The following PACC1 variants were observed in gnomAD, a reference collection of about 807,000 sequenced individuals.
The protein encoded by PACC1 is proton-activated chloride channel.
Under a neutral mutation model 39.7 loss-of-function variants are expected in PACC1, and 34 were observed. The observed-to-expected ratio is 0.86, with a 90% CI of 0.65 to 1.14. The LOEUF is 1.14. Ranked by LOEUF, PACC1 falls within the 50% of genes most tolerant of loss-of-function variation. The pLI is 0.00. For synonymous variants in PACC1, 127 were observed against 160.6 expected, an observed-to-expected ratio of 0.79 and a Z score of 1.58; for missense variants, 379 against 436.4, an observed-to-expected ratio of 0.87 and a Z score of 1.17.
At chr1:212,380,736 G>C (rs1660847108) in intron 4 of PACC1, among the ~76,000 whole-genome samples, 1 of 152,134 alleles carries the variant, frequency 6.6e-6, no homozygotes, top group Non-Finnish European at 1.5e-5. Flanking sequence ...TCTCTGTCCA[G>C]TACTGTGCCA....
chr1:212,414,852 G>T lies in PACC1; in HGVS notation c.-95C>A. On this transcript the variant is annotated 5_prime_UTR_variant, in exon 1 of 8. Coordinates refer to ENST00000261455, the MANE Select transcript of PACC1 (RefSeq NM_018252.3). The stretch of plus-strand genomic sequence containing the variant: ...CGCTGCACCTGGACCTACCGGCTCC[G>T]CGAGGCGAAACCGGTCCGGAGGGGC... The T allele has an allele frequency of 6.5e-7, 1 of 1,545,960 alleles. No homozygotes were observed. The highest frequency in any genetic ancestry group is 8.9e-7 in the Non-Finnish European group (1 of 1,128,736).
In PACC1 at chr1:212,410,416, C is replaced by A. The variant is rs748266638; in HGVS notation, c.133+9G>T. 1.9e-6 allele frequency: 3 copies of A among 1,613,380 alleles called. No individual in the cohort carries two copies. Among genetic ancestry groups the A allele is most frequent in the Admixed American group, 3.3e-5 (2 of 60,024 alleles). On this transcript the variant is annotated intron_variant, in intron 2 of 7. Coordinates refer to ENST00000261455, the MANE Select transcript of PACC1 (RefSeq NM_018252.3). ...AGCAACAGCACAGCAAAGCACCAAA[C>A]GCACTCACCTGGTAAGATACCCGGA...
chr1:212,383,394 G>A (rs1347686921), intron 4 of PACC1, among the ~76,000 whole-genome samples: 2 of 152,188 alleles, frequency 1.3e-5, no homozygotes, highest in Admixed American at 1.3e-4. Flanking sequence ...TGGGACGGAA[G>A]CAGCCACGAG....
intron 2 of PACC1, among the ~76,000 whole-genome samples, chr1:212,398,178 A>AT (rs745799496): frequency 2.2e-4 from 33 of 152,244 alleles, no homozygotes; most frequent in Non-Finnish European, 4.1e-4. Context: ...AATAGCAAAA[A>AT]TAAAGATCAT....
intron 2 of PACC1, among the ~76,000 whole-genome samples, chr1:212,407,745 T>C (rs1009375025): frequency 6.6e-6 from 1 of 152,190 alleles, no homozygotes; most frequent in Non-Finnish European, 1.5e-5. Context: ...CCTCCCAAAG[T>C]GTTGGGATTA....
chr1:212,414,034 G>A, intron 1 of PACC1: 1 of 1,535,844 alleles, frequency 6.5e-7, no homozygotes. Context: ...TACAGCTGGA[G>A]AAGTGAGGAG....
intron 2 of PACC1, among the ~76,000 whole-genome samples, chr1:212,391,088 G>A (rs146413811): frequency 0.022 from 3,405 of 152,308 alleles, 129 homozygotes; most frequent in African/African-American, 0.075. Flanking sequence ...GCTTTGAAGA[G>A]AGTAGTGGTT....
At position 212,364,703 on chromosome 1, in the gene PACC1, G is replaced by A. The variant is rs1283427754; in HGVS notation, c.*512C>T. The A allele has an allele frequency of 6.6e-6, 1 of 152,658 alleles. No individual in the cohort carries two copies. The allele number at this position is 152,658 out of a possible 1,614,324, so 9.5% of individuals were successfully genotyped here. A position where few individuals can be genotyped will look rare whatever the true frequency, so the allele number is the denominator to read the frequency against. Reference sequence around the variant, plus strand: ...TAACATTTAACAAATCAAAGAGCATGTCAGAGGCTGGACATCAATGGCAGA... The same window carrying A: ...TAACATTTAACAAATCAAAGAGCATATCAGAGGCTGGACATCAATGGCAGA... On this transcript the variant is annotated 3_prime_UTR_variant, in exon 8 of 8. Coordinates refer to ENST00000261455, the MANE Select transcript of PACC1 (RefSeq NM_018252.3).
At chr1:212,413,601 A>T (rs1331223439) in intron 1 of PACC1, among the ~76,000 whole-genome samples, 1 of 152,206 alleles carries the variant, frequency 6.6e-6, no homozygotes, top group Non-Finnish European at 1.5e-5. Context: ...AGGCAGGAGC[A>T]CATTTTAAAA....
chr1:212,402,671 C>T (rs1370799756), intron 2 of PACC1, among the ~76,000 whole-genome samples: 3 of 151,944 alleles, frequency 2.0e-5, no homozygotes, highest in African/African-American at 2.4e-5. Flanking sequence ...TTGAGGGGGA[C>T]GGGAATGGAG....
At position 212,387,120 on chromosome 1, in the gene PACC1, A is replaced by G. The variant is rs1305591251; in HGVS notation, c.134-20T>C. The G allele has an allele frequency of 6.2e-7, 1 of 1,612,040 alleles. No homozygotes were observed. Among genetic ancestry groups the G allele is most frequent in the Middle Eastern group, 1.8e-4 (1 of 5,564 alleles). On this transcript the variant is annotated intron_variant, in intron 2 of 7. Transcript: ENST00000261455. ...CCAGGCCTGACAACAACAAAACACCATGTGACCCAGGGCACAGGGACAAGG... is the reference window on the plus strand; with the variant it reads ...CCAGGCCTGACAACAACAAAACACCGTGTGACCCAGGGCACAGGGACAAGG...
intron 2 of PACC1, among the ~76,000 whole-genome samples, chr1:212,388,535 A>G (rs555918551): frequency 6.6e-6 from 1 of 152,294 alleles, no homozygotes; most frequent in East Asian, 1.9e-4. Flanking sequence ...TGTGGCCATA[A>G]GGATGAGGCC....
chr1:212,390,026 G>A (rs1661250806), intron 2 of PACC1, among the ~76,000 whole-genome samples: 2 of 151,770 alleles, frequency 1.3e-5, no homozygotes, highest in South Asian at 4.2e-4. Context: ...TATCCAATTT[G>A]AAGAAAATAT....
chr1:212,402,596 TC>T (rs1467591782), intron 2 of PACC1, among the ~76,000 whole-genome samples: 3 of 152,252 alleles, frequency 2.0e-5, no homozygotes, highest in African/African-American at 7.2e-5. Flanking sequence ...AAATACTTTT[TC>T]CCATTCTGTG....
intron 5 of PACC1, among the ~76,000 whole-genome samples, chr1:212,377,987 C>A (rs948533410): frequency 6.6e-6 from 1 of 152,152 alleles, no homozygotes. Context: ...AATCTTCCTC[C>A]CTCCTCCCAT....
chr1:212,391,123 G>C (rs1661304620), intron 2 of PACC1, among the ~76,000 whole-genome samples: 1 of 152,232 alleles, frequency 6.6e-6, no homozygotes, highest in Admixed American at 6.5e-5. Flanking sequence ...TTTGAGATCT[G>C]AGAACAGACA....
At chr1:212,397,462 C>T (rs1363623946) in intron 2 of PACC1, among the ~76,000 whole-genome samples, 1 of 152,194 alleles carries the variant, frequency 6.6e-6, no homozygotes, top group Non-Finnish European at 1.5e-5. Context: ...AGAATATCTG[C>T]TCATAATTAT....
At chr1:212,378,797 C>T (rs1168090911) in intron 5 of PACC1, among the ~76,000 whole-genome samples, 1 of 152,116 alleles carries the variant, frequency 6.6e-6, no homozygotes, top group Non-Finnish European at 1.5e-5. Context: ...GGTCCACTCA[C>T]GTGCGGATTT....
intron 5 of PACC1, among the ~76,000 whole-genome samples, chr1:212,378,246 A>G (rs1191782982): frequency 6.6e-6 from 1 of 152,216 alleles, no homozygotes; most frequent in Non-Finnish European, 1.5e-5. Flanking sequence ...AGCGAACATA[A>G]AAACAAGTAA....
Sources: allele counts gnomAD v4.1 joint callset (sites outside exome capture counted in the v4.1 genomes callset), GRCh38; gene constraint gnomAD v4.1.1; transcripts MANE v1.5; gene names NCBI Gene and HGNC (gene_info 2026-07-23, HGNC 2026-07-21).